IPO9: variants seen among roughly 807,000 people sequenced by gnomAD.
IPO9 encodes importin 9, also known as importin-9.
In IPO9, 28 loss-of-function variants were observed where a neutral mutation model predicts 128.6. That is an observed-to-expected ratio of 0.22 (90% CI 0.16 to 0.30). IPO9 has a LOEUF of 0.30. Ranked by LOEUF, IPO9 falls within the 10% of genes least tolerant of loss-of-function variation. The pLI is 1.00. For synonymous variants in IPO9, 455 were observed against 475.8 expected, an observed-to-expected ratio of 0.96 and a Z score of 0.57; for missense variants, 935 against 1,293.9, an observed-to-expected ratio of 0.72 and a Z score of 4.26.
At chr1:201,859,207 A>ATATATATATATATATATATATATATATAT (rs1491106859) in intron 13 of IPO9, among the ~76,000 whole-genome samples, 22 of 140,512 alleles carry the variant, frequency 1.6e-4, no homozygotes, top group South Asian at 2.3e-4. Context: ...ATATATATAT[A>ATATATATATATATATATATATATATATAT]AAGGAAACTC....
intron 4 of IPO9, 27 bp downstream of exon 4, chr1:201,848,621 T>A: frequency 6.2e-7 from 1 of 1,608,652 alleles, no homozygotes. Context: ...TCCCTGGTAT[T>A]GGTACTTGGA....
intron 22 of IPO9, 88 bp from the exon 23 acceptor site, chr1:201,875,064 C>T (rs901016323): frequency 1.5e-5 from 21 of 1,388,908 alleles, no homozygotes; most frequent in African/African-American, 1.4e-4. Flanking sequence ...TTGCACCTTC[C>T]GCCTCAGTCA....
rs1211021487 is a variant in IPO9, at chr1:201,854,609, C to T, written c.705C>T (p.Val235=). ...TCTGTTATCAGGGTGCAGCCAAAGTCCTGATCTTTCCCGTGGTACAGCAGT... is the reference window on the plus strand; with the variant it reads ...TCTGTTATCAGGGTGCAGCCAAAGTTCTGATCTTTCCCGTGGTACAGCAGT... The part of the protein sequence containing the change: ...MEELEKGAAK[V]LIFPVVQQFT... Residue 235 remains valine, a synonymous_variant, in exon 7 of 24, where the codon GTC becomes GTT. Transcript: ENST00000361565. 2 of 1,613,988 alleles carry T rather than the reference C, an allele frequency of 1.2e-6. No homozygotes were observed. Among genetic ancestry groups the T allele is most frequent in the South Asian group, 1.1e-5 (1 of 91,064 alleles).
Position 201,854,835 on chromosome 1 carries a change from C to T in IPO9, c.823C>T (p.Leu275=), listed in dbSNP as rs770025682. ...KMEVLKAVTA[L]VKNFPKHMVS... Reference sequence around the variant, plus strand: ...CTTAACTTCTTAGGCAGTGACAGCCCTAGTGAAAAACTTCCCAAAGCACAT... The same window carrying T: ...CTTAACTTCTTAGGCAGTGACAGCCTTAGTGAAAAACTTCCCAAAGCACAT... Residue 275 remains leucine, a synonymous_variant, in exon 8 of 24, where the codon CTA becomes TTA. Coordinates refer to ENST00000361565, the MANE Select transcript of IPO9 (RefSeq NM_018085.5). 2 of 1,609,342 alleles carry T rather than the reference C, an allele frequency of 1.2e-6. No homozygotes were observed. Among genetic ancestry groups the T allele is most frequent in the Non-Finnish European group, 1.7e-6 (2 of 1,178,406 alleles).
chr1:201,853,605 C>T (rs575223362), intron 6 of IPO9, among the ~76,000 whole-genome samples: 2 of 152,180 alleles, frequency 1.3e-5, no homozygotes, highest in South Asian at 2.1e-4. Flanking sequence ...GGCTGGAATG[C>T]AGTGGCATGA....
In IPO9 at chr1:201,876,204, A is replaced by G; in HGVS notation, c.*150A>G. 1 of 746,754 alleles carries G rather than the reference A, an allele frequency of 1.3e-6. No homozygotes were observed. The highest frequency in any genetic ancestry group is 1.4e-5 in the South Asian group (1 of 71,036). The allele number at this position is 746,754 out of a possible 1,614,324, so 46.3% of individuals were successfully genotyped here. On this transcript the variant is annotated 3_prime_UTR_variant, in exon 24 of 24. Transcript: ENST00000361565. ...TCGGCAGTGACACTGATGACAATTC[A>G]GACCAGGCTCACCGGTGCCGTCACT...
chr1:201,847,394 ACTTT>A lies in IPO9; in HGVS notation c.225+58_225+61del, dbSNP rs904735399. Reference sequence around the variant, plus strand: ...TAGTTTCCCTTTCCTTGGTAATGAAACTTTCTTATAGGAAAGAAAAATAAGGCCA... The same window carrying A: ...TAGTTTCCCTTTCCTTGGTAATGAAACTTATAGGAAAGAAAAATAAGGCCA... On this transcript the variant is annotated intron_variant, in intron 2 of 23. Coordinates refer to ENST00000361565, the MANE Select transcript of IPO9 (RefSeq NM_018085.5). 6 of 1,539,926 alleles carry A rather than the reference ACTTT, an allele frequency of 3.9e-6. No individual in the cohort carries two copies. The Admixed American group carries it at 1.1e-4, about 27-fold the overall frequency.
At chr1:201,833,908 T>G (rs1232040081) in intron 1 of IPO9, among the ~76,000 whole-genome samples, 1 of 152,132 alleles carries the variant, frequency 6.6e-6, no homozygotes, top group African/African-American at 2.4e-5. Context: ...AACCTCAGCC[T>G]CCCAAGTGGC....
intron 1 of IPO9, among the ~76,000 whole-genome samples, chr1:201,839,403 G>A (rs1159618853): frequency 1.3e-5 from 2 of 151,798 alleles, no homozygotes; most frequent in African/African-American, 4.8e-5. Context: ...TTTTCGTAGA[G>A]ACGGGGTTTC....
At chr1:201,874,207 G>A (rs751851660) in intron 20 of IPO9, 43 bp from the exon 21 acceptor site, 2 of 1,608,018 alleles carry the variant, frequency 1.2e-6, no homozygotes, top group South Asian at 2.2e-5. Context: ...CCAGAAGTAA[G>A]CTCAGTGACA....
intron 15 of IPO9, 44 bp downstream of exon 15, chr1:201,867,003 AG>A: frequency 6.8e-7 from 1 of 1,473,050 alleles, no homozygotes; most frequent in Non-Finnish European, 9.5e-7. Context: ...ACCAAAGAAA[AG>A]GTGGTGGCTG....
chr1:201,879,316 C>T lies in IPO9; in HGVS notation c.*3262C>T, dbSNP rs1050314061. The T allele has an allele frequency of 6.6e-6, 1 of 152,110 alleles. No homozygotes were observed. Among genetic ancestry groups the T allele is most frequent in the African/African-American group, 2.4e-5 (1 of 41,374 alleles). The allele number at this position is 152,110 out of a possible 1,614,324, so 9.4% of individuals were successfully genotyped here. On this transcript the variant is annotated 3_prime_UTR_variant, in exon 24 of 24. Coordinates refer to ENST00000361565, the MANE Select transcript of IPO9 (RefSeq NM_018085.5). Reference sequence around the variant, plus strand: ...TTGTTAACTAGGTAAATAATCTGGACATTTTAGTCAAAGCATTAGACAGAC... The same window carrying T: ...TTGTTAACTAGGTAAATAATCTGGATATTTTAGTCAAAGCATTAGACAGAC...
At chr1:201,868,453 T>C (rs577454248) in intron 15 of IPO9, among the ~76,000 whole-genome samples, 195 bp from the exon 16 acceptor site, 1 of 152,318 alleles carries the variant, frequency 6.6e-6, no homozygotes, top group Non-Finnish European at 1.5e-5. Context: ...CCATACAAAG[T>C]GTACCTCTTG....
chr1:201,840,302 C>T (rs1355426899), intron 1 of IPO9, among the ~76,000 whole-genome samples: 1 of 152,186 alleles, frequency 6.6e-6, no homozygotes, highest in East Asian at 1.9e-4. Flanking sequence ...AATTCCTGGG[C>T]TCAAGTGATC....
rs762756135 is a variant in IPO9 at position 201,871,175 on chromosome 1, G to A, written c.2424G>A (p.Val808=). 5 of 1,612,798 alleles carry A rather than the reference G, an allele frequency of 3.1e-6. No individual in the cohort carries two copies. Among genetic ancestry groups the A allele is most frequent in the Non-Finnish European group, 4.2e-6 (5 of 1,179,634 alleles). The change falls in exon 19 of 24, where the codon GTG becomes GTA. Residue 808 remains valine, a synonymous_variant. Transcript: ENST00000361565. ...TTTTCTCCTAGTCCCTGATCATGGT[G>A]TTCGCTCATCTGGTGCACACTCAGC... The part of the protein sequence containing the change: ...TLSVMQSLIM[V]FAHLVHTQLE...
intron 4 of IPO9, chr1:201,850,398 A>AT (rs1325257528): frequency 4.6e-5 from 7 of 152,244 alleles, no homozygotes; most frequent in African/African-American, 1.7e-4. Flanking sequence ...TCAAGATACT[A>AT]TACCAGTTTC....
intron 1 of IPO9, among the ~76,000 whole-genome samples, chr1:201,833,887 G>A (rs1353603524): frequency 6.6e-6 from 1 of 152,070 alleles, no homozygotes; most frequent in African/African-American, 2.4e-5. Flanking sequence ...CTGGGCTTAC[G>A]CAGTCCTCCC....
rs148418401 is a variant in IPO9 at position 201,863,662 on chromosome 1, A to G, written c.1628+55A>G. The stretch of plus-strand genomic sequence containing the variant: ...AGGGAAAGTTGCTCAGGTTAGATAT[A>G]ACAAATCACAGTTTTCCAGTGTATT... On this transcript the variant is annotated intron_variant, in intron 14 of 23. Coordinates refer to ENST00000361565, the MANE Select transcript of IPO9 (RefSeq NM_018085.5). The G allele has an allele frequency of 7.9e-5, 115 of 1,448,124 alleles. 1 individual carries two copies. The East Asian group carries it at 2.6e-3, about 33-fold the overall frequency. The allele number at this position is 1,448,124 out of a possible 1,614,324, so 89.7% of individuals were successfully genotyped here. A position where few individuals can be genotyped will look rare whatever the true frequency, so the allele number is the denominator to read the frequency against.
At chr1:201,835,839 G>C (rs978297391) in intron 1 of IPO9, among the ~76,000 whole-genome samples, 7 of 152,162 alleles carry the variant, frequency 4.6e-5, no homozygotes, top group African/African-American at 1.4e-4. Flanking sequence ...GCCGGGCACA[G>C]TGTGGCTCAC....
Sources: gnomAD v4.1 joint callset for allele counts (sites outside exome capture counted in the v4.1 genomes callset) on GRCh38, gnomAD v4.1.1 for gene constraint, MANE v1.5 for transcripts, NCBI Gene and HGNC (gene_info 2026-07-23, HGNC 2026-07-21) for gene names.